FAM184A: variants seen among roughly 807,000 people sequenced by gnomAD.
FAM184A encodes protein FAM184A.
In FAM184A, 99 loss-of-function variants were observed where a neutral mutation model predicts 143.8. The observed-to-expected ratio is 0.69, with a 90% CI of 0.58 to 0.81. The LOEUF is 0.81. FAM184A is among the 40% of genes least tolerant of loss of function. FAM184A has a pLI of 0.00. For synonymous variants in FAM184A, 427 were observed against 446.4 expected, an observed-to-expected ratio of 0.96 and a Z score of 0.55; for missense variants, 1,217 against 1,310.5, an observed-to-expected ratio of 0.93 and a Z score of 1.10.
At chr6:119,012,917 G>A (rs1166937577) in intron 5 of FAM184A, among the ~76,000 whole-genome samples, 1 of 152,144 alleles carries the variant, frequency 6.6e-6, no homozygotes, top group Non-Finnish European at 1.5e-5. Context: ...TACAGTTATG[G>A]ACAGTACAAT....
At position 119,078,415 on chromosome 6, in the gene FAM184A, G is replaced by A. The variant is rs1283518076; in HGVS notation, c.-116C>T. On this transcript the variant is annotated 5_prime_UTR_variant, in exon 1 of 18. Transcript: ENST00000338891. This position sits in a 1 kb window ranked among gnomAD's most constrained non-coding sequence, Gnocchi z 5.5. ...GCCGCTTCCCGACCCGACACCCGGC[G>A]CCCCCCAGACTCGGCCGCAGGCGCC... 6.3e-6 allele frequency: 7 copies of A among 1,104,754 alleles called. No individual in the cohort carries two copies. The highest frequency in any genetic ancestry group is 8.4e-6 in the Non-Finnish European group (7 of 831,418). 68.4% of individuals were successfully genotyped at this position (1,104,754 alleles called of 1,614,324 possible).
chr6:118,995,017 A>G (rs970048736), intron 9 of FAM184A, among the ~76,000 whole-genome samples: 4 of 152,220 alleles, frequency 2.6e-5, no homozygotes, highest in African/African-American at 9.6e-5. Context: ...AGGAATTCTC[A>G]TTACTGACAA....
At chr6:119,013,206 T>C (rs923211028) in intron 5 of FAM184A, among the ~76,000 whole-genome samples, 12 of 152,200 alleles carry the variant, frequency 7.9e-5, no homozygotes, top group African/African-American at 2.4e-4. Flanking sequence ...AACCATGTTT[T>C]AAAGAAAGAC....
rs562414244 is a variant in FAM184A at position 119,057,305 on chromosome 6, ATAGTG to A, written c.159+20831_159+20835del. 2.4e-4 allele frequency among the ~76,000 whole-genome samples: 36 copies of A among 152,362 alleles called. 1 individual carries two copies. The South Asian group carries it at 6.4e-3, about 27-fold the overall frequency. ...CAATATCCAAAGTGCACATGATTAT[ATAGTG>A]TAAATTCTAAATTTCTGCTATGCTT... On this transcript the variant is annotated intron_variant, in intron 1 of 17. Transcript: ENST00000338891.
Position 119,097,164 on chromosome 6 carries a change from C to G in FAM184A, c.-202+51914G>C, listed in dbSNP as rs542071075. Among the ~76,000 whole-genome samples the G allele has an allele frequency of 2.4e-4, 36 of 152,190 alleles. 1 individual carries two copies. The highest frequency in any genetic ancestry group is 2.1e-3 in the Admixed American group (32 of 15,284). On this transcript the variant is annotated intron_variant, in intron 1 of 16. Transcript: ENST00000352896. The stretch of plus-strand genomic sequence containing the variant: ...CCCATCTCGCAGTTCATGCAGTTCT[C>G]TCTCACCTCTGCCTCATGACTGGTT...
intron 1 of FAM184A, among the ~76,000 whole-genome samples, chr6:119,061,516 TG>T (rs1404432900): frequency 6.8e-6 from 1 of 146,800 alleles, no homozygotes; most frequent in Non-Finnish European, 1.5e-5. Context: ...CTACCATGCC[TG>T]GCTAATTATT....
At chr6:119,060,644 G>C (rs769726980) in intron 1 of FAM184A, among the ~76,000 whole-genome samples, 1 of 152,196 alleles carries the variant, frequency 6.6e-6, no homozygotes, top group Non-Finnish European at 1.5e-5. Context: ...GTAATCCCCA[G>C]TGTTGGAGGT....
chr6:119,019,155 A>G (rs1317340197), intron 4 of FAM184A, among the ~76,000 whole-genome samples: 1 of 152,196 alleles, frequency 6.6e-6, no homozygotes, highest in Non-Finnish European at 1.5e-5. Context: ...CATCAATGGT[A>G]AGGGAACAGA....
intron 1 of FAM184A, among the ~76,000 whole-genome samples, chr6:119,102,836 TA>T (rs1389802209): frequency 8.7e-6 from 1 of 115,028 alleles, no homozygotes; most frequent in African/African-American, 3.2e-5. Context: ...AAAATATCAC[TA>T]AAAAAGGGCA....
chr6:118,993,335 A>G (rs1237800883), intron 9 of FAM184A, among the ~76,000 whole-genome samples: 1 of 152,222 alleles, frequency 6.6e-6, no homozygotes, highest in Non-Finnish European at 1.5e-5. Flanking sequence ...TACAATAACT[A>G]AAAAAAGTTG....
rs138921152 is a variant in FAM184A at position 119,126,969 on chromosome 6, G to A, written c.-202+22109C>T. On this transcript the variant is annotated intron_variant, in intron 1 of 16. Coordinates refer to the FAM184A transcript ENST00000352896. Reference sequence around the variant, plus strand: ...CTCTGAAGTCAAGCTGCTTCTCCCCGATGTCCAGCTGTTTCTTCTCCTCTC... The same window carrying A: ...CTCTGAAGTCAAGCTGCTTCTCCCCAATGTCCAGCTGTTTCTTCTCCTCTC... Among the ~76,000 whole-genome samples the A allele has an allele frequency of 2.6e-4, 39 of 152,260 alleles. 1 individual carries two copies. Among genetic ancestry groups the A allele is most frequent in the East Asian group, 1.7e-3 (9 of 5,178 alleles).
At chr6:118,985,094 C>T (rs1025765745) in intron 9 of FAM184A, among the ~76,000 whole-genome samples, 5 of 152,150 alleles carry the variant, frequency 3.3e-5, no homozygotes, top group Non-Finnish European at 5.9e-5. Flanking sequence ...TATAATTCAC[C>T]GTTTTGTTTT....
chr6:119,088,683 T>TA (rs1210640684), intron 1 of FAM184A, among the ~76,000 whole-genome samples: 4 of 152,168 alleles, frequency 2.6e-5, no homozygotes, highest in Admixed American at 2.0e-4. Context: ...TTATGCCTCT[T>TA]AGGAACATTC....
At chr6:119,111,446 T>C (rs375512395) in intron 1 of FAM184A, among the ~76,000 whole-genome samples, 5 of 152,166 alleles carry the variant, frequency 3.3e-5, no homozygotes, top group African/African-American at 1.2e-4. Flanking sequence ...ATGGTGGTGA[T>C]GGTTGCACAA....
chr6:118,996,902 T>TTAC (rs1784580353), intron 9 of FAM184A, among the ~76,000 whole-genome samples: 1 of 150,630 alleles, frequency 6.6e-6, no homozygotes, highest in Admixed American at 6.6e-5. Flanking sequence ...TTTTTGTACT[T>TTAC]TTTGTAGAGA....
chr6:118,960,900 C>G (rs1231419654), intron 17 of FAM184A: 1 of 1,152,030 alleles, frequency 8.7e-7, no homozygotes, highest in Non-Finnish European at 1.2e-6. Flanking sequence ...ATAAGCAACA[C>G]AAAATATTTA....
chr6:119,128,154 T>G (rs1789425572), intron 1 of FAM184A, among the ~76,000 whole-genome samples: 1 of 151,978 alleles, frequency 6.6e-6, no homozygotes, highest in Non-Finnish European at 1.5e-5. Flanking sequence ...TTTGTAGCAG[T>G]AAGGTATGCA....
At chr6:119,045,699 A>G (rs968551313) in intron 1 of FAM184A, among the ~76,000 whole-genome samples, 3 of 152,218 alleles carry the variant, frequency 2.0e-5, no homozygotes, top group Non-Finnish European at 2.9e-5. Context: ...GAAATTACTA[A>G]TAAGAGCAAC....
chr6:119,026,648 C>A (rs73767219), intron 1 of FAM184A, among the ~76,000 whole-genome samples: 5,981 of 152,178 alleles, frequency 0.039, 256 homozygotes, highest in African/African-American at 0.11. Flanking sequence ...GATTTAGACA[C>A]AACTGACCGA....
Sources: gnomAD v4.1 joint callset for allele counts (sites outside exome capture counted in the v4.1 genomes callset) on GRCh38, gnomAD v4.1.1 for gene constraint, Gnocchi (gnomAD v3.1) non-coding constraint, MANE v1.5 for transcripts, NCBI Gene and HGNC (gene_info 2026-07-23, HGNC 2026-07-21) for gene names.